The following DAZAP1 variants were observed in gnomAD, a reference collection of about 807,000 sequenced individuals.
DAZAP1 encodes the protein DAZ associated protein 1.
In DAZAP1, 6 loss-of-function variants were observed where a neutral mutation model predicts 60.1. That is an observed-to-expected ratio of 0.10 (90% confidence interval 0.05 to 0.20). DAZAP1 has a LOEUF of 0.20. Ranked by LOEUF, DAZAP1 falls within the 10% of genes least tolerant of loss-of-function variation. The pLI, the probability that DAZAP1 is intolerant of heterozygous loss-of-function variation, is 1.00. For missense variants in DAZAP1, 366 were observed against 560.4 expected (o/e 0.65, Z 3.50); for synonymous variants, 235 against 215.9 (o/e 1.09, Z -0.78).
chr19:1,429,897 T>C, intron 8 of DAZAP1, 70 bp from the exon 9 acceptor site: 2 of 1,546,076 alleles, frequency 1.3e-6, no homozygotes, highest in African/African-American at 1.4e-5. Flanking sequence ...GTCCATGCTC[T>C]GCGGCTCCTT....
rs183408060 is a variant in DAZAP1 at position 1,423,118 on chromosome 19, C to A, written c.463+722C>A. 6.6e-6 allele frequency among the ~76,000 whole-genome samples: 1 copy of A among 151,772 alleles called. No individual in the cohort carries two copies. Among genetic ancestry groups the A allele is most frequent in the Non-Finnish European group, 1.5e-5 (1 of 68,032 alleles). The stretch of plus-strand genomic sequence containing the variant: ...AGCAGACCTGCAGCCTGGGTCTGCC[C>A]GCCACGTCCGTGCCGCCCCCGCACC... On this transcript the variant is annotated intron_variant, in intron 6 of 11. Coordinates refer to ENST00000233078, the MANE Select transcript of DAZAP1 (RefSeq NM_018959.4). This position sits in a 1 kb window ranked among gnomAD's most constrained non-coding sequence, Gnocchi z 6.8.
At position 1,434,984 on chromosome 19, in the gene DAZAP1, C is replaced by G; in HGVS notation, c.*72C>G. On this transcript the variant is annotated 3_prime_UTR_variant, in exon 12 of 12. Coordinates refer to ENST00000233078, the MANE Select transcript of DAZAP1 (RefSeq NM_018959.4). The surrounding 1 kb of genome is among the most constrained non-coding windows in gnomAD (Gnocchi z 8.0). ...CTTGTGAACTCGTGACAATCACAAA[C>G]TTGGCGGCAAAGTGGCGACTCAACC... 7 of 973,538 alleles carry G rather than the reference C, an allele frequency of 7.2e-6. No individual in the cohort carries two copies. The highest frequency in any genetic ancestry group is 8.8e-6 in the Non-Finnish European group (7 of 796,608). 60.3% of individuals were successfully genotyped at this position (973,538 alleles called of 1,614,324 possible). A position where few individuals can be genotyped will look rare whatever the true frequency, so the allele number is the denominator to read the frequency against.
In DAZAP1 at chr19:1,422,256, G is replaced by C. The variant is rs2083179205; in HGVS notation, c.415-92G>C. On this transcript the variant is annotated intron_variant, in intron 5 of 11. Coordinates refer to ENST00000233078, the MANE Select transcript of DAZAP1 (RefSeq NM_018959.4). This position sits in a 1 kb window ranked among gnomAD's most constrained non-coding sequence, Gnocchi z 4.5. ...CTCAGGGAGGGCGCACCCTGTGCGA[G>C]AGTTTGGGTTCGTGGGAACAGGCTG... The C allele has an allele frequency of 1.7e-6, 2 of 1,210,590 alleles. No individual in the cohort carries two copies. The highest frequency in any genetic ancestry group is 2.4e-6 in the Non-Finnish European group (2 of 822,850). The allele number at this position is 1,210,590 out of a possible 1,614,324, so 75.0% of individuals were successfully genotyped here.
intron 6 of DAZAP1, among the ~76,000 whole-genome samples, chr19:1,424,141 A>AC (rs2083239277): frequency 7.1e-6 from 1 of 141,462 alleles, no homozygotes; most frequent in African/African-American, 2.7e-5. Flanking sequence ...CCTGTCAGGG[A>AC]CCCCGCCTGT....
In DAZAP1 at chr19:1,430,268, C is replaced by T. The variant is rs763554642; in HGVS notation, c.777C>T (p.Pro259=). The part of the protein sequence containing the change: ...PPAGRGAPPP[P]PPFTSYIVST... ...CAGGAAGAGGAGCCCCCCCGCCACC[C>T]CCACCGTTCACCTCCTACATCGTGT... Residue 259 remains proline, a synonymous_variant, in exon 10 of 12, where the codon CCC becomes CCT. Transcript: ENST00000233078. 1.0e-5 allele frequency: 14 copies of T among 1,345,886 alleles called. No individual in the cohort carries two copies. In the South Asian group the frequency reaches 1.6e-4, roughly 15 times the overall value. 83.4% of individuals were successfully genotyped at this position (1,345,886 alleles called of 1,614,324 possible). A position where few individuals can be genotyped will look rare whatever the true frequency, so the allele number is the denominator to read the frequency against.
rs1335260080 is a variant in DAZAP1 at position 1,435,011 on chromosome 19, T to TTG, written c.*99_*100insTG. On this transcript the variant is annotated 3_prime_UTR_variant, in exon 12 of 12. Coordinates refer to ENST00000233078, the MANE Select transcript of DAZAP1 (RefSeq NM_018959.4). Reference sequence around the variant, plus strand: ...TGGCGGCAAAGTGGCGACTCAACCTTGGGGGGGGGGGCGGGGGGAGGGCGC... The same window carrying TTG: ...TGGCGGCAAAGTGGCGACTCAACCTTTGGGGGGGGGGGGCGGGGGGAGGGCGC... 14 of 18,374 alleles carry TTG rather than the reference T, an allele frequency of 7.6e-4. No individual in the cohort carries two copies. Among genetic ancestry groups the TTG allele is most frequent in the African/African-American group, 2.5e-3 (14 of 5,608 alleles). 1.1% of individuals were successfully genotyped at this position (18,374 alleles called of 1,614,324 possible).
Position 1,433,620 on chromosome 19 carries a change from C to T in DAZAP1, c.1048+930C>T. 1 of 803,454 alleles carries T rather than the reference C, an allele frequency of 1.2e-6. No homozygotes were observed. Among genetic ancestry groups the T allele is most frequent in the Non-Finnish European group, 2.1e-6 (1 of 485,586 alleles). 49.8% of individuals were successfully genotyped at this position (803,454 alleles called of 1,614,324 possible). A position where few individuals can be genotyped will look rare whatever the true frequency, so the allele number is the denominator to read the frequency against. ...TTCTTGACCCACTCACCACCAAACCCTGGCGTGTCTGAGACTGGCAGGGGG... is the reference window on the plus strand; with the variant it reads ...TTCTTGACCCACTCACCACCAAACCTTGGCGTGTCTGAGACTGGCAGGGGG... On this transcript the variant is annotated intron_variant, in intron 11 of 11. Coordinates refer to ENST00000233078, the MANE Select transcript of DAZAP1 (RefSeq NM_018959.4). This position sits in a 1 kb window ranked among gnomAD's most constrained non-coding sequence, Gnocchi z 6.1.
intron 4 of DAZAP1, 100 bp from the exon 5 acceptor site, chr19:1,421,048 C>A: frequency 1.1e-6 from 1 of 910,270 alleles, no homozygotes; most frequent in Non-Finnish European, 1.7e-6. Flanking sequence ...TTTCAGCTGA[C>A]TCTTTAAACC....
At chr19:1,417,072 A>C in intron 1 of DAZAP1, 9 of 168,084 alleles carry the variant, frequency 5.4e-5, no homozygotes, top group South Asian at 2.2e-4. Flanking sequence ...GCCGTGTGGC[A>C]TAGGCTTCTA....
At chr19:1,424,115 A>C (rs1051052055) in intron 6 of DAZAP1, among the ~76,000 whole-genome samples, 2 of 150,114 alleles carry the variant, frequency 1.3e-5, no homozygotes, top group Non-Finnish European at 3.0e-5. Context: ...CACTGACTGA[A>C]GGTCATGGCC....
Position 1,428,589 on chromosome 19 carries a change from G to T in DAZAP1, c.547-253G>T, listed in dbSNP as rs553079945. 148 of 432,524 alleles carry T rather than the reference G, an allele frequency of 3.4e-4. No individual in the cohort carries two copies. Among genetic ancestry groups the T allele is most frequent in the African/African-American group, 2.9e-3 (140 of 48,178 alleles). 26.8% of individuals were successfully genotyped at this position (432,524 alleles called of 1,614,324 possible). A position where few individuals can be genotyped will look rare whatever the true frequency, so the allele number is the denominator to read the frequency against. On this transcript the variant is annotated intron_variant, in intron 7 of 11. Transcript: ENST00000233078. This position sits in a 1 kb window ranked among gnomAD's most constrained non-coding sequence, Gnocchi z 4.0. ...GCTCTGGGCTCGGTCCTGCTGCCCC[G>T]CAGTGGGCGGGCTCTGTGTGTCTTA...
intron 4 of DAZAP1, among the ~76,000 whole-genome samples, chr19:1,420,722 A>G (rs887988990): frequency 1.3e-5 from 2 of 152,202 alleles, no homozygotes; most frequent in Admixed American, 6.5e-5. Flanking sequence ...TTCCGTAGCC[A>G]TCATTGTCAC....
At position 1,433,450 on chromosome 19, in the gene DAZAP1, C is replaced by A. The variant is rs553402691; in HGVS notation, c.1048+760C>A. ...CAGGTGGCCACGGGCTTCCGGGGTG[C>A]CTGTGAACACGCTTCCTCTAGGCCT... On this transcript the variant is annotated intron_variant, in intron 11 of 11. Coordinates refer to ENST00000233078, the MANE Select transcript of DAZAP1 (RefSeq NM_018959.4). The surrounding 1 kb of genome is among the most constrained non-coding windows in gnomAD (Gnocchi z 6.1). 2.6e-4 allele frequency: 117 copies of A among 445,778 alleles called. No homozygotes were observed. The highest frequency in any genetic ancestry group is 2.3e-3 in the African/African-American group (112 of 49,724). 27.6% of individuals were successfully genotyped at this position (445,778 alleles called of 1,614,324 possible). A position where few individuals can be genotyped will look rare whatever the true frequency, so the allele number is the denominator to read the frequency against.
intron 7 of DAZAP1, chr19:1,427,192 A>G (rs2144872994): frequency 6.6e-6 from 1 of 152,358 alleles, no homozygotes; most frequent in South Asian, 2.1e-4. Flanking sequence ...CAGGGCTTCA[A>G]GGAGTCTGCG....
At chr19:1,430,075 G>C (rs529823613) in intron 9 of DAZAP1, 79 bp downstream of exon 9, 6 of 1,579,088 alleles carry the variant, frequency 3.8e-6, no homozygotes, top group Non-Finnish European at 3.5e-6. Flanking sequence ...TGGGGCAGCC[G>C]GCAAAGCCTG....
intron 1 of DAZAP1, chr19:1,417,181 G>C (rs983023015): frequency 2.4e-6 from 1 of 413,530 alleles, no homozygotes; most frequent in Non-Finnish European, 4.3e-6. Flanking sequence ...TGTCCCACTT[G>C]GCAGCAGTGC....
chr19:1,422,500 G>A lies in DAZAP1; in HGVS notation c.463+104G>A, dbSNP rs2083186666. On this transcript the variant is annotated intron_variant, in intron 6 of 11. Coordinates refer to ENST00000233078, the MANE Select transcript of DAZAP1 (RefSeq NM_018959.4). This position sits in a 1 kb window ranked among gnomAD's most constrained non-coding sequence, Gnocchi z 4.5. ...ACACAGGTGGCGGCTGTAGCAAACAGCCTCAGGAAGGGACGATTTGGAGAC... is the reference window on the plus strand; with the variant it reads ...ACACAGGTGGCGGCTGTAGCAAACAACCTCAGGAAGGGACGATTTGGAGAC... 9.3e-7 allele frequency: 1 copy of A among 1,080,490 alleles called. No homozygotes were observed. The highest frequency in any genetic ancestry group is 1.4e-6 in the Non-Finnish European group (1 of 719,948). 66.9% of individuals were successfully genotyped at this position (1,080,490 alleles called of 1,614,324 possible).
chr19:1,409,415 G>T (rs1408861688), intron 1 of DAZAP1, among the ~76,000 whole-genome samples: 1 of 152,214 alleles, frequency 6.6e-6, no homozygotes, highest in East Asian at 1.9e-4. Context: ...GACACCCTTG[G>T]GAAGTGGGGC....
At chr19:1,410,598 G>A (rs1372835887) in intron 1 of DAZAP1, among the ~76,000 whole-genome samples, 2 of 152,226 alleles carry the variant, frequency 1.3e-5, no homozygotes, top group Non-Finnish European at 2.9e-5. Flanking sequence ...AGCTGACACA[G>A]CGCGGCCGGG....
Sources: gnomAD v4.1 joint callset for allele counts (sites outside exome capture counted in the v4.1 genomes callset) on GRCh38, gnomAD v4.1.1 for gene constraint, Gnocchi (gnomAD v3.1) non-coding constraint, MANE v1.5 for transcripts, NCBI Gene and HGNC (gene_info 2026-07-23, HGNC 2026-07-21) for gene names.